KIAA1549L: variants seen among roughly 807,000 people sequenced by gnomAD.
KIAA1549L encodes UPF0606 protein KIAA1549L.
A neutral mutation model predicts 160.7 loss-of-function variants in KIAA1549L; 88 were observed. The ratio of observed to expected loss-of-function variants is 0.55; its 90% CI spans 0.46 to 0.65. KIAA1549L has a LOEUF of 0.65. Ranked by LOEUF, KIAA1549L falls within the 30% of genes least tolerant of loss-of-function variation. The pLI is 0.00. For synonymous variants in KIAA1549L, 950 were observed against 976.7 expected, an observed-to-expected ratio of 0.97 and a Z score of 0.51; for missense variants, 2,258 against 2,437.5, an observed-to-expected ratio of 0.93 and a Z score of 1.55.
chr11:33,455,105 CA>C (rs1220329117), intron 1 of KIAA1549L, among the ~76,000 whole-genome samples: 1 of 152,018 alleles, frequency 6.6e-6, no homozygotes, highest in Non-Finnish European at 1.5e-5. Context: ...CAAAACAAAA[CA>C]AAACAAAAAC....
chr11:33,626,693 C>T (rs199559876), intron 16 of KIAA1549L, among the ~76,000 whole-genome samples: 6 of 115,106 alleles, frequency 5.2e-5, no homozygotes, highest in Middle Eastern at 3.7e-3. Context: ...ACAGTCATGT[C>T]GTCTGCAAAC....
chr11:33,491,835 A>G (rs1285359311), intron 1 of KIAA1549L, among the ~76,000 whole-genome samples: 1 of 152,214 alleles, frequency 6.6e-6, no homozygotes, highest in Non-Finnish European at 1.5e-5. Context: ...ACAAACCACT[A>G]CTGGGACAAA....
intron 8 of KIAA1549L, among the ~76,000 whole-genome samples, chr11:33,566,502 G>A (rs558874716): frequency 3.7e-4 from 57 of 152,308 alleles, no homozygotes; most frequent in African/African-American, 1.3e-3. Flanking sequence ...TTATGAATTT[G>A]CAGGAATTAG....
chr11:33,413,987 A>T (rs989415452), intron 1 of KIAA1549L, among the ~76,000 whole-genome samples: 2 of 152,168 alleles, frequency 1.3e-5, no homozygotes, highest in African/African-American at 4.8e-5. Flanking sequence ...AAGAATTGGA[A>T]TCTCCAGGAC....
chr11:33,569,756 G>A (rs1056265495), intron 9 of KIAA1549L, among the ~76,000 whole-genome samples: 4 of 152,160 alleles, frequency 2.6e-5, no homozygotes, highest in Admixed American at 2.6e-4. Context: ...GAGGTAAAGC[G>A]GTGGTTAAGC....
intron 20 of KIAA1549L, among the ~76,000 whole-genome samples, chr11:33,665,749 C>T (rs1309186182): frequency 6.6e-6 from 1 of 152,144 alleles, no homozygotes; most frequent in Non-Finnish European, 1.5e-5. Context: ...GTCCGCCCCA[C>T]CCCTTGCCAT....
chr11:33,652,530 T>G lies in KIAA1549L; in HGVS notation c.5761-3482T>G, dbSNP rs141488720. The stretch of plus-strand genomic sequence containing the variant: ...TTTTTCATCAGTTCTCTTGGTGAAC[T>G]GCTATAGGACATCCACAGACATAGA... On this transcript the variant is annotated intron_variant, in intron 17 of 20. Transcript: ENST00000658780. Among the ~76,000 whole-genome samples the G allele has an allele frequency of 2.9e-3, 436 of 152,322 alleles. 2 individuals carry two copies. Among genetic ancestry groups the G allele is most frequent in the African/African-American group, 1.0e-2 (415 of 41,576 alleles).
intron 1 of KIAA1549L, among the ~76,000 whole-genome samples, chr11:33,397,862 ATTTG>A (rs1850417549): frequency 9.4e-6 from 1 of 106,346 alleles, no homozygotes; most frequent in Admixed American, 9.8e-5. Flanking sequence ...TTTTTTGTTT[ATTTG>A]TTTTTTTTAA....
chr11:33,632,426 T>C (rs541249337), intron 16 of KIAA1549L, among the ~76,000 whole-genome samples: 13 of 152,310 alleles, frequency 8.5e-5, no homozygotes, highest in Admixed American at 2.6e-4. Flanking sequence ...GAGATTACAC[T>C]GATTAATTTA....
At position 33,543,137 on chromosome 11, in the gene KIAA1549L, C is replaced by T. The variant is rs1382236725; in HGVS notation, c.1574C>T (p.Thr525Ile). The T allele has an allele frequency of 6.2e-7, 1 of 1,613,798 alleles. No homozygotes were observed. Among genetic ancestry groups the T allele is most frequent in the Admixed American group, 1.7e-5 (1 of 60,010 alleles). The change falls in exon 2 of 21, where the codon ACT becomes ATT. Residue 525 changes from threonine to isoleucine, a missense_variant. Transcript: ENST00000658780. ...CCATCTCCTGTGCCAGAAATGCCCA[C>T]TCTTCCAGCAGAGGGCAGTGATGGG... ...ASPSPVPEMP[T>I]LPAEGSDGSP...
At chr11:33,628,587 A>G (rs1436967083) in intron 16 of KIAA1549L, among the ~76,000 whole-genome samples, 156 of 146,220 alleles carry the variant, frequency 1.1e-3, no homozygotes, top group Non-Finnish European at 1.8e-3. Context: ...AGTCTGTTTT[A>G]TCAGAGACTA....
chr11:33,543,053 G>A lies in KIAA1549L; in HGVS notation c.1490G>A (p.Gly497Glu), dbSNP rs750044847. 3 of 1,613,836 alleles carry A rather than the reference G, an allele frequency of 1.9e-6. No individual in the cohort carries two copies. Among genetic ancestry groups the A allele is most frequent in the Admixed American group, 3.3e-5 (2 of 60,036 alleles). ...SGAVPASPST[G>E]TADFPSILTF... ...GCGGTTCCCGCATCACCATCAACTG[G>A]GACAGCCGACTTTCCCTCCATACTT... The change falls in exon 2 of 21, where the codon GGG becomes GAG. Residue 497 changes from glycine to glutamate, a missense_variant. By Grantham distance (98) the Gly-to-Glu change is moderately conservative. Coordinates refer to ENST00000658780, the MANE Select transcript of KIAA1549L (RefSeq NM_012194.3).
chr11:33,575,323 G>A (rs940098137), intron 10 of KIAA1549L, among the ~76,000 whole-genome samples: 3 of 152,242 alleles, frequency 2.0e-5, no homozygotes, highest in Non-Finnish European at 4.4e-5. Flanking sequence ...ACACAACATA[G>A]GAAAGTGCTG....
At position 33,609,789 on chromosome 11, in the gene KIAA1549L, A is replaced by T. The variant is rs1486398507; in HGVS notation, c.5102A>T (p.Tyr1701Phe). The change falls in exon 15 of 21, where the codon TAT (tyrosine) becomes TTT (phenylalanine). Residue 1701 changes from tyrosine (Y) to phenylalanine (F), a missense_variant. Tyr to Phe is a conservative substitution (Grantham distance 22). Coordinates refer to ENST00000658780, the MANE Select transcript of KIAA1549L (RefSeq NM_012194.3). ...AAGCAGAAGTCAGACATCGAGCACT[A>T]TCGGAACAAGCTGCGCCTCAAAGCC... is the stretch of plus-strand genomic sequence containing the variant. ...ALKQKSDIEHYRNKLRLKAKR... is the reference protein window; with the variant it reads ...ALKQKSDIEHFRNKLRLKAKR... 1 of 1,612,844 alleles carries T rather than the reference A, an allele frequency of 6.2e-7. No individual in the cohort carries two copies. Among genetic ancestry groups the T allele is most frequent in the Non-Finnish European group, 8.5e-7 (1 of 1,179,410 alleles).
In KIAA1549L at chr11:33,658,980, C is replaced by A. The variant is rs1590456453; in HGVS notation, c.6007+82C>A. On this transcript the variant is annotated intron_variant, in intron 19 of 20. Transcript: ENST00000658780. ...CCCTCAAATCCCCAGTTCCAATCTC[C>A]TTTCTACCTACCACCCTCAGGAATC... 4.4e-6 allele frequency: 6 copies of A among 1,370,722 alleles called. No homozygotes were observed. The East Asian group carries it at 1.6e-4, about 35-fold the overall frequency. 84.9% of individuals were successfully genotyped at this position (1,370,722 alleles called of 1,614,324 possible).
chr11:33,404,776 GAGGC>G (rs1850610401), intron 1 of KIAA1549L, among the ~76,000 whole-genome samples: 1 of 152,082 alleles, frequency 6.6e-6, no homozygotes, highest in Non-Finnish European at 1.5e-5. Context: ...TTGGGAGGCT[GAGGC>G]AGGCGGATCA....
chr11:33,490,701 C>T (rs1315023910), intron 1 of KIAA1549L, among the ~76,000 whole-genome samples: 4 of 152,158 alleles, frequency 2.6e-5, no homozygotes, highest in African/African-American at 7.2e-5. Context: ...TTACTTTTGG[C>T]GCATTCTAGT....
intron 1 of KIAA1549L, among the ~76,000 whole-genome samples, chr11:33,506,729 A>G (rs952184678): frequency 6.6e-6 from 1 of 151,624 alleles, no homozygotes; most frequent in Non-Finnish European, 1.5e-5. Context: ...AAAAAAAAAA[A>G]TTGAACAACA....
chr11:33,543,242 GGAAAAA>G lies in KIAA1549L; in HGVS notation c.1681_1686del (p.Lys561_Lys562del), dbSNP rs758921508. Reference sequence around the variant, plus strand: ...TCCACATCTTGGACATTTCCCCGGTGGAAAAAGGACAGTGTGACAGCCATTTTAGGG... The same window carrying G: ...TCCACATCTTGGACATTTCCCCGGTGGGACAGTGTGACAGCCATTTTAGGG... On this transcript the variant is annotated inframe_deletion, in exon 2 of 21. Transcript: ENST00000658780. 2.2e-4 allele frequency: 350 copies of G among 1,613,916 alleles called. No individual in the cohort carries two copies. Among genetic ancestry groups the G allele is most frequent in the Non-Finnish European group, 2.9e-4 (343 of 1,179,912 alleles).
Sources: allele counts gnomAD v4.1 joint callset (sites outside exome capture counted in the v4.1 genomes callset), GRCh38; gene constraint gnomAD v4.1.1; transcripts MANE v1.5; gene names NCBI Gene and HGNC (gene_info 2026-07-23, HGNC 2026-07-21).